Variants in IQSEC1 observed in about 807,000 individuals in gnomAD.
IQSEC1 encodes IQ motif and SEC7 domain-containing protein 1.
IQSEC1 carries 31 observed loss-of-function variants against 91.0 expected under a neutral mutation model. The ratio of observed to expected loss-of-function variants is 0.34; its 90% CI spans 0.26 to 0.46. The LOEUF (loss-of-function observed/expected upper bound fraction) is 0.46, where lower values mean the gene tolerates loss of function less well. Among genes scored for constraint, IQSEC1 ranks in the 20% least tolerant of loss-of-function variants. The pLI, the probability that IQSEC1 is intolerant of heterozygous loss-of-function variation, is 1.00. For missense variants in IQSEC1, 1,388 were observed against 1,575.6 expected (o/e 0.88, Z 2.02); for synonymous variants, 699 against 662.6 (o/e 1.05, Z -0.84).
At chr3:13,203,395 G>C (rs141132093) in intron 1 of IQSEC1, among the ~76,000 whole-genome samples, 195 of 152,192 alleles carry the variant, frequency 1.3e-3, no homozygotes, top group African/African-American at 4.4e-3. Context: ...GTTAAACTGC[G>C]CTCCTCAGTT....
At chr3:12,902,333 C>T (rs911610937) in intron 13 of IQSEC1, among the ~76,000 whole-genome samples, 9 of 151,970 alleles carry the variant, frequency 5.9e-5, no homozygotes, top group South Asian at 4.1e-4. Context: ...TGAGGATGGG[C>T]GGGCGTGGAA....
chr3:13,201,644 T>C (rs1311529291), intron 1 of IQSEC1, among the ~76,000 whole-genome samples: 1 of 152,196 alleles, frequency 6.6e-6, no homozygotes, highest in Non-Finnish European at 1.5e-5. Flanking sequence ...GTGCCCAGAC[T>C]GCTTTAAGAT....
chr3:13,077,411 A>G (rs558691469), upstream of IQSEC1, among the ~76,000 whole-genome samples: 1 of 152,356 alleles, frequency 6.6e-6, no homozygotes, highest in East Asian at 1.9e-4. Context: ...ATAGAGAGGT[A>G]TCCACAAACC....
chr3:13,154,316 T>C (rs1707046344), intron 2 of IQSEC1, among the ~76,000 whole-genome samples: 1 of 150,698 alleles, frequency 6.6e-6, no homozygotes, highest in South Asian at 2.1e-4. Context: ...CAGGGCCTTC[T>C]GGATCTTCCT....
At chr3:13,199,887 CCA>C (rs1263033318) in intron 1 of IQSEC1, among the ~76,000 whole-genome samples, 6 of 150,750 alleles carry the variant, frequency 4.0e-5, no homozygotes, top group African/African-American at 1.2e-4. Context: ...CACACACACA[CCA>C]CACACACACA....
At chr3:13,266,175 G>T (rs185695787) in intron 1 of IQSEC1, among the ~76,000 whole-genome samples, 23 of 152,276 alleles carry the variant, frequency 1.5e-4, no homozygotes, top group Non-Finnish European at 2.6e-4. Context: ...AGCTCAGAAT[G>T]GAGCCAGTAT....
At chr3:13,201,999 T>C (rs915555897) in intron 1 of IQSEC1, among the ~76,000 whole-genome samples, 1 of 152,218 alleles carries the variant, frequency 6.6e-6, no homozygotes, top group African/African-American at 2.4e-5. Context: ...TATTTTCCAA[T>C]CCACAGTGAC....
intron 1 of IQSEC1, among the ~76,000 whole-genome samples, chr3:13,242,359 C>T (rs1559284647): frequency 6.6e-6 from 1 of 152,220 alleles, no homozygotes; most frequent in Non-Finnish European, 1.5e-5. Context: ...ATAGAATTTT[C>T]CCAAGTGCTT....
chr3:13,118,439 C>A (rs552850555), intron 2 of IQSEC1, among the ~76,000 whole-genome samples: 1 of 152,238 alleles, frequency 6.6e-6, no homozygotes, highest in South Asian at 2.1e-4. Context: ...AACGGATAGA[C>A]AAATTTCGTC....
At chr3:13,071,100 C>T (rs1288734737) in intron 1 of IQSEC1, among the ~76,000 whole-genome samples, 1 of 152,068 alleles carries the variant, frequency 6.6e-6, no homozygotes, top group East Asian at 1.9e-4. Context: ...TGAGCCCTCC[C>T]CCAAACCTAG....
rs1695374883 is a variant in IQSEC1, at chr3:12,909,618, A to G, written c.2417-184T>C. Among the ~76,000 whole-genome samples the G allele has an allele frequency of 6.6e-6, 1 of 152,202 alleles. No homozygotes were observed. Among genetic ancestry groups the G allele is most frequent in the African/African-American group, 2.4e-5 (1 of 41,454 alleles). On this transcript the variant is annotated intron_variant, in intron 10 of 13. Coordinates refer to ENST00000613206, the MANE Select transcript of IQSEC1 (RefSeq NM_001134382.3). This position sits in a 1 kb window ranked among gnomAD's most constrained non-coding sequence, Gnocchi z 4.9. ...AGCAACCTCATCTCCCGACTTGGGA[A>G]AGATGGTCTGTGTCGCTCCACATGT...
At chr3:13,019,809 G>A (rs1207246268) in intron 1 of IQSEC1, among the ~76,000 whole-genome samples, 5 of 152,146 alleles carry the variant, frequency 3.3e-5, no homozygotes, top group African/African-American at 1.2e-4. Flanking sequence ...GCCAGTGCTC[G>A]TGACACCCCT....
intron 2 of IQSEC1, among the ~76,000 whole-genome samples, chr3:13,105,094 T>C (rs2686748): frequency 0.16 from 23,675 of 152,240 alleles, 1,945 homozygotes; most frequent in Middle Eastern, 0.31. Context: ...ACTTCTGCCC[T>C]GTGCAGTGTG....
At chr3:13,024,403 ATCC>A (rs1421589437) in intron 1 of IQSEC1, among the ~76,000 whole-genome samples, 4 of 148,824 alleles carry the variant, frequency 2.7e-5, no homozygotes, top group Non-Finnish European at 4.5e-5. Context: ...CCATCCATCC[ATCC>A]ATCCATCCAT....
intron 1 of IQSEC1, among the ~76,000 whole-genome samples, chr3:12,952,482 T>C (rs937412933): frequency 6.6e-6 from 1 of 152,186 alleles, no homozygotes; most frequent in African/African-American, 2.4e-5. Flanking sequence ...GTGACTGCCA[T>C]GGCCTCTCCA....
intron 1 of IQSEC1, among the ~76,000 whole-genome samples, chr3:13,192,304 C>G (rs895592794): frequency 6.7e-5 from 10 of 149,738 alleles, no homozygotes; most frequent in Non-Finnish European, 1.2e-4. Flanking sequence ...CACCACTGCA[C>G]TCCAGCCTGG....
chr3:12,986,172 C>T (rs1040211607), intron 1 of IQSEC1, among the ~76,000 whole-genome samples: 35 of 152,228 alleles, frequency 2.3e-4, no homozygotes, highest in Middle Eastern at 3.2e-3. Context: ...CACCCACTGG[C>T]CAAGGCTGAC....
At chr3:13,158,538 C>T (rs892617588) in intron 2 of IQSEC1, among the ~76,000 whole-genome samples, 2 of 152,176 alleles carry the variant, frequency 1.3e-5, no homozygotes, top group African/African-American at 2.4e-5. Context: ...CAGAATCTCC[C>T]CCACCATCCC....
chr3:13,166,367 C>T (rs1330040068), intron 1 of IQSEC1, among the ~76,000 whole-genome samples: 2 of 152,214 alleles, frequency 1.3e-5, no homozygotes, highest in African/African-American at 4.8e-5. Context: ...GTCACATTCA[C>T]TGCAGGGTCT....
Sources: allele counts gnomAD v4.1 joint callset (sites outside exome capture counted in the v4.1 genomes callset), GRCh38; gene constraint gnomAD v4.1.1; non-coding constraint Gnocchi (gnomAD v3.1); transcripts MANE v1.5; gene names NCBI Gene and HGNC (gene_info 2026-07-23, HGNC 2026-07-21).